Variants in FOXN3 observed in about 807,000 individuals in gnomAD.
FOXN3 encodes the protein forkhead box N3.
FOXN3 carries 7 observed loss-of-function variants against 38.4 expected under a neutral mutation model. The ratio of observed to expected loss-of-function variants is 0.18; its 90% CI spans 0.10 to 0.34. The LOEUF is 0.34. Among genes scored for constraint, FOXN3 ranks in the 10% least tolerant of loss-of-function variants. The pLI, the probability that FOXN3 is intolerant of heterozygous loss-of-function variation, is 1.00. For missense variants in FOXN3, 456 were observed against 613.4 expected (o/e 0.74, Z 2.71); for synonymous variants, 230 against 242.2 (o/e 0.95, Z 0.47).
intron 3 of FOXN3, among the ~76,000 whole-genome samples, chr14:89,344,662 C>A (rs778137396): frequency 2.0e-5 from 3 of 152,108 alleles, no homozygotes; most frequent in Non-Finnish European, 4.4e-5. Context: ...AGTTTAAATA[C>A]CCCCACTATA....
At chr14:89,397,674 C>T (rs2140084355) in intron 2 of FOXN3, among the ~76,000 whole-genome samples, 1 of 152,226 alleles carries the variant, frequency 6.6e-6, no homozygotes, top group South Asian at 2.1e-4. Context: ...CCCACTGTGA[C>T]CCTTTGTTTT....
intron 1 of FOXN3, among the ~76,000 whole-genome samples, chr14:89,566,220 C>T (rs1390442010): frequency 6.6e-6 from 1 of 152,206 alleles, no homozygotes; most frequent in Admixed American, 6.5e-5. Context: ...TAAATTGTGG[C>T]TGTCAAATGA....
At chr14:89,472,966 C>G (rs554580181) in intron 1 of FOXN3, among the ~76,000 whole-genome samples, 1 of 152,240 alleles carries the variant, frequency 6.6e-6, no homozygotes, top group South Asian at 2.1e-4. Flanking sequence ...GACAGTAAAA[C>G]CTGCTCCAAA....
At chr14:89,555,838 GGTGT>G (rs201016882) in intron 1 of FOXN3, among the ~76,000 whole-genome samples, 17,580 of 89,594 alleles carry the variant, frequency 0.2, 2,016 homozygotes, top group East Asian at 0.35. Context: ...TCTAGTTCAT[GGTGT>G]GTGTGTGTGT....
chr14:89,618,221 G>A (rs1896529240), intron 1 of FOXN3, among the ~76,000 whole-genome samples: 1 of 152,076 alleles, frequency 6.6e-6, no homozygotes. Context: ...CTGTGACGGA[G>A]GGCTCCCCGA....
chr14:89,501,403 G>A (rs1178274948), intron 1 of FOXN3, among the ~76,000 whole-genome samples: 1 of 152,172 alleles, frequency 6.6e-6, no homozygotes, highest in African/African-American at 2.4e-5. Context: ...CTGGCACTGT[G>A]AAGGCAGAAA....
intron 1 of FOXN3, among the ~76,000 whole-genome samples, chr14:89,591,077 TTAAC>T (rs1304681611): frequency 6.6e-6 from 1 of 152,230 alleles, no homozygotes; most frequent in Non-Finnish European, 1.5e-5. Context: ...AAGGCTATGA[TTAAC>T]TAAATTTGAT....
At chr14:89,306,313 C>T (rs1486641732) in intron 3 of FOXN3, among the ~76,000 whole-genome samples, 1 of 150,734 alleles carries the variant, frequency 6.6e-6, no homozygotes. Context: ...CACACACACA[C>T]TCACAGACAC....
At chr14:89,278,295 C>A (rs969721009) in intron 4 of FOXN3, among the ~76,000 whole-genome samples, 2 of 152,090 alleles carry the variant, frequency 1.3e-5, no homozygotes, top group Admixed American at 6.6e-5. Context: ...GACTTATGCA[C>A]CACCACGAGA....
At position 89,519,468 on chromosome 14, in the gene FOXN3, C is replaced by A. The variant is rs567589651; in HGVS notation, c.-15+99560G>T. ...GCGTCAGAAGAGCCTGGTCACAGTTCATGGAGAGCCACTGGAGCTCTCTGC... is the reference window on the plus strand; with the variant it reads ...GCGTCAGAAGAGCCTGGTCACAGTTAATGGAGAGCCACTGGAGCTCTCTGC... On this transcript the variant is annotated intron_variant, in intron 1 of 6. Coordinates refer to the FOXN3 transcript ENST00000345097. 6.6e-5 allele frequency among the ~76,000 whole-genome samples: 10 copies of A among 152,114 alleles called. No homozygotes were observed. In the South Asian group the frequency reaches 1.7e-3, roughly 25 times the overall value.
chr14:89,401,267 C>G (rs3783844), intron 2 of FOXN3, among the ~76,000 whole-genome samples: 56,474 of 151,910 alleles, frequency 0.37, 13,052 homozygotes, highest in Admixed American at 0.52. Flanking sequence ...CATGGTGAAA[C>G]CCCGTTTTCA....
chr14:89,524,958 ATAGT>A (rs1196506201), intron 1 of FOXN3, among the ~76,000 whole-genome samples: 1 of 152,164 alleles, frequency 6.6e-6, no homozygotes, highest in African/African-American at 2.4e-5. Flanking sequence ...AGAGACCCTC[ATAGT>A]TAGGCAGGAA....
chr14:89,300,188 T>C (rs1339137138), intron 3 of FOXN3, among the ~76,000 whole-genome samples: 1 of 150,074 alleles, frequency 6.7e-6, no homozygotes, highest in African/African-American at 2.5e-5. Flanking sequence ...TACTTTTTTT[T>C]TTTTTTTTTT....
chr14:89,480,519 T>C (rs1893305082), intron 1 of FOXN3, among the ~76,000 whole-genome samples: 1 of 152,154 alleles, frequency 6.6e-6, no homozygotes, highest in Admixed American at 6.5e-5. Flanking sequence ...TCAGACTCCA[T>C]TTTGAACATG....
At chr14:89,288,670 T>TTCTCTCTCTCTCTC (rs1202531466) in intron 3 of FOXN3, among the ~76,000 whole-genome samples, 1 of 54,164 alleles carries the variant, frequency 1.8e-5, no homozygotes, top group Non-Finnish European at 3.5e-5. Context: ...GGCACTCTCT[T>TTCTCTCTCTCTCTC]TCTCTCTCTC....
chr14:89,553,577 C>T (rs980260674), intron 1 of FOXN3, among the ~76,000 whole-genome samples: 1 of 152,084 alleles, frequency 6.6e-6, no homozygotes, highest in Admixed American at 6.6e-5. Context: ...AGATGTCTGA[C>T]ACCCCAATTA....
intron 3 of FOXN3, among the ~76,000 whole-genome samples, chr14:89,329,480 G>A (rs1888174223): frequency 6.6e-6 from 1 of 152,090 alleles, no homozygotes; most frequent in South Asian, 2.1e-4. Flanking sequence ...GGTGGGTGGG[G>A]GTGCTACTGG....
intron 4 of FOXN3, among the ~76,000 whole-genome samples, chr14:89,279,675 G>T (rs1334405974): frequency 6.6e-6 from 1 of 151,984 alleles, no homozygotes; most frequent in East Asian, 1.9e-4. Flanking sequence ...ACTTCCTTTT[G>T]TTTTCTTAAA....
chr14:89,324,806 CTG>C (rs1330398324), intron 3 of FOXN3, among the ~76,000 whole-genome samples: 2 of 152,144 alleles, frequency 1.3e-5, no homozygotes, highest in African/African-American at 4.8e-5. Flanking sequence ...TGGAAAGACA[CTG>C]AGAGGTTTCA....
Sources: gnomAD v4.1 joint callset for allele counts (sites outside exome capture counted in the v4.1 genomes callset) on GRCh38, gnomAD v4.1.1 for gene constraint, MANE v1.5 for transcripts, NCBI Gene and HGNC (gene_info 2026-07-23, HGNC 2026-07-21) for gene names.